The following ERC2 variants were observed in gnomAD, a reference collection of about 807,000 sequenced individuals.
The protein encoded by ERC2 is ERC protein 2.
ERC2 carries 42 observed loss-of-function variants against 114.8 expected under a neutral mutation model. That is an observed-to-expected ratio of 0.37 (90% CI 0.29 to 0.47). The LOEUF (loss-of-function observed/expected upper bound fraction) is 0.47. Ranked by LOEUF, ERC2 falls within the 20% of genes least tolerant of loss-of-function variation. The probability of loss-of-function intolerance (pLI) is 0.99; values close to 1 mark genes in which losing one functional copy is unlikely to be tolerated. For synonymous variants in ERC2, 454 were observed against 425.5 expected (o/e 1.07, Z -0.82); for missense variants, 939 against 1,150.7 (o/e 0.82, Z 2.66).
intron 12 of ERC2, chr3:55,955,241 GGTGTGTTTGTGTGT>G (rs2067864266): frequency 6.7e-6 from 3 of 451,066 alleles, no homozygotes; most frequent in South Asian, 1.6e-5. Flanking sequence ...ACTGTATGGT[GGTGTGTTTGTGTGT>G]GTGTGTGTGT....
intron 7 of ERC2, among the ~76,000 whole-genome samples, chr3:56,057,429 T>C (rs1480222673): frequency 1.3e-5 from 2 of 152,222 alleles, no homozygotes; most frequent in African/African-American, 2.4e-5. Context: ...TTGGTTTTGC[T>C]TTGGGCCTAT....
chr3:56,158,322 C>T (rs1414516122), intron 4 of ERC2, among the ~76,000 whole-genome samples: 1 of 152,010 alleles, frequency 6.6e-6, no homozygotes, highest in Non-Finnish European at 1.5e-5. Flanking sequence ...GCTATTTTTT[C>T]TCCACTGTTT....
intron 16 of ERC2, among the ~76,000 whole-genome samples, chr3:55,695,997 C>G (rs955988232): frequency 4.6e-5 from 7 of 152,060 alleles, no homozygotes; most frequent in Non-Finnish European, 7.4e-5. Context: ...AATACTTTGC[C>G]CAGAGAATCT....
intron 17 of ERC2, among the ~76,000 whole-genome samples, chr3:55,646,656 C>T (rs1373614851): frequency 6.6e-6 from 1 of 152,208 alleles, no homozygotes; most frequent in Non-Finnish European, 1.5e-5. Flanking sequence ...CTACTTATTA[C>T]TGTCCCTGTA....
chr3:56,218,692 T>C (rs2049678199), intron 3 of ERC2, among the ~76,000 whole-genome samples: 1 of 152,166 alleles, frequency 6.6e-6, no homozygotes, highest in South Asian at 2.1e-4. Context: ...CATGCACACG[T>C]AGGTTTATTG....
chr3:56,233,607 C>T (rs1321485450), intron 3 of ERC2, among the ~76,000 whole-genome samples: 1 of 151,510 alleles, frequency 6.6e-6, no homozygotes, highest in South Asian at 2.1e-4. Flanking sequence ...TCACAAGACT[C>T]CGTCTCAACA....
chr3:56,020,828 G>A (rs539009113), intron 7 of ERC2, among the ~76,000 whole-genome samples: 1 of 152,260 alleles, frequency 6.6e-6, no homozygotes, highest in Non-Finnish European at 1.5e-5. Flanking sequence ...CTTTGGGCAC[G>A]AGAAATAGAG....
At chr3:55,858,287 A>G (rs1210002630) in intron 14 of ERC2, among the ~76,000 whole-genome samples, 1 of 152,214 alleles carries the variant, frequency 6.6e-6, no homozygotes, top group Admixed American at 6.5e-5. Flanking sequence ...ACTCTGAGCT[A>G]TAACCCTGTT....
At chr3:55,891,449 T>TG (rs1421980169) in intron 13 of ERC2, among the ~76,000 whole-genome samples, 1 of 115,444 alleles carries the variant, frequency 8.7e-6, no homozygotes, top group East Asian at 2.2e-4. Context: ...TTTTTTTTTT[T>TG]TTTTTTTTTT....
chr3:55,865,171 C>CAACTAGG (rs948089844), intron 14 of ERC2, among the ~76,000 whole-genome samples: 5 of 152,182 alleles, frequency 3.3e-5, no homozygotes, highest in Non-Finnish European at 7.4e-5. Flanking sequence ...TCTCTACCTA[C>CAACTAGG]TTTCAGCTCC....
At chr3:55,777,309 G>T (rs2068702350) in intron 14 of ERC2, among the ~76,000 whole-genome samples, 1 of 152,178 alleles carries the variant, frequency 6.6e-6, no homozygotes, top group Admixed American at 6.5e-5. Flanking sequence ...CCCAGCTAGA[G>T]CAGGAAAAAG....
At chr3:55,599,955 A>G (rs897587584) in intron 17 of ERC2, among the ~76,000 whole-genome samples, 1 of 152,184 alleles carries the variant, frequency 6.6e-6, no homozygotes, top group Non-Finnish European at 1.5e-5. Flanking sequence ...GAAAAAGCTC[A>G]TGTGAGGCAC....
chr3:56,345,313 GAC>G lies in ERC2; in HGVS notation c.658-48880_658-48879del, dbSNP rs145158263. 7.0e-3 allele frequency among the ~76,000 whole-genome samples: 1,071 copies of G among 152,286 alleles called. 3 individuals carry two copies. Among genetic ancestry groups the G allele is most frequent in the Non-Finnish European group, 0.011 (760 of 68,030 alleles). The stretch of plus-strand genomic sequence containing the variant: ...CATCTACTCTCCGCCAGGCCCTGGA[GAC>G]ACAACACTAAAAAAGACAGGCATAG... On this transcript the variant is annotated intron_variant, in intron 2 of 17. Transcript: ENST00000288221.
chr3:55,900,876 C>T (rs562577137), intron 13 of ERC2, among the ~76,000 whole-genome samples: 1 of 152,300 alleles, frequency 6.6e-6, no homozygotes, highest in South Asian at 2.1e-4. Flanking sequence ...ATTTGATTCT[C>T]ACATATTCCC....
At chr3:56,191,338 C>T (rs1252545520) in intron 3 of ERC2, among the ~76,000 whole-genome samples, 1 of 152,162 alleles carries the variant, frequency 6.6e-6, no homozygotes, top group African/African-American at 2.4e-5. Context: ...ACACTGCAAA[C>T]TGTCTGAGTC....
At chr3:55,917,125 G>A (rs769569262) in intron 13 of ERC2, among the ~76,000 whole-genome samples, 1 of 152,120 alleles carries the variant, frequency 6.6e-6, no homozygotes, top group South Asian at 2.1e-4. Flanking sequence ...ATTCCATCAT[G>A]AAGGTCCCCT....
chr3:56,367,208 T>G (rs1293749175), intron 2 of ERC2, among the ~76,000 whole-genome samples: 1 of 152,062 alleles, frequency 6.6e-6, no homozygotes, highest in African/African-American at 2.4e-5. Flanking sequence ...AAACTGCTTA[T>G]TTGAAAGGGG....
intron 2 of ERC2, among the ~76,000 whole-genome samples, chr3:56,428,220 C>T (rs1005626296): frequency 3.3e-5 from 5 of 152,092 alleles, no homozygotes; most frequent in African/African-American, 7.2e-5. Context: ...TTGAATGACC[C>T]TGTTGAAATG....
chr3:56,187,926 T>C (rs2150061483), intron 3 of ERC2, among the ~76,000 whole-genome samples: 1 of 151,742 alleles, frequency 6.6e-6, no homozygotes, highest in East Asian at 1.9e-4. Context: ...TCAGGCAAGG[T>C]CCCCCAAAGG....
Sources: allele counts gnomAD v4.1 joint callset (sites outside exome capture counted in the v4.1 genomes callset), GRCh38; gene constraint gnomAD v4.1.1; transcripts MANE v1.5; gene names NCBI Gene and HGNC (gene_info 2026-07-23, HGNC 2026-07-21).